The following ARHGEF7 variants were observed in gnomAD, a reference collection of about 807,000 sequenced individuals.
ARHGEF7 encodes PAK-interacting exchange factor beta.
A neutral mutation model predicts 109.8 loss-of-function variants in ARHGEF7; 33 were observed. The ratio of observed to expected loss-of-function variants is 0.30; its 90% CI spans 0.23 to 0.40. The LOEUF (loss-of-function observed/expected upper bound fraction) is 0.40. Among genes scored for constraint, ARHGEF7 ranks in the 10% least tolerant of loss-of-function variants. ARHGEF7 has a pLI of 1.00. For missense variants in ARHGEF7, 938 were observed against 1,098.5 expected, an observed-to-expected ratio of 0.85 and a Z score of 2.07; for synonymous variants, 458 against 424.6, an observed-to-expected ratio of 1.08 and a Z score of -0.97.
intron 6 of ARHGEF7, among the ~76,000 whole-genome samples, chr13:111,240,957 C>A (rs2087667323): frequency 6.6e-6 from 1 of 152,026 alleles, no homozygotes; most frequent in African/African-American, 2.4e-5. Context: ...AGTTGTAACC[C>A]ATTTGTAAAA....
rs772802469 is a variant in ARHGEF7, at chr13:111,145,003, T to C, written c.166-8902T>C. On this transcript the variant is annotated intron_variant, in intron 1 of 21. Coordinates refer to ENST00000646102, the MANE Select transcript of ARHGEF7 (RefSeq NM_001354046.2). The surrounding 1 kb of genome is among the most constrained non-coding windows in gnomAD (Gnocchi z 4.3). The stretch of plus-strand genomic sequence containing the variant: ...TGCTTGCAGAGACAGCTCCATGCAT[T>C]TCTAAACACCTACATACATTTTCTT... 4.6e-5 allele frequency among the ~76,000 whole-genome samples: 7 copies of C among 151,680 alleles called. No individual in the cohort carries two copies. Among genetic ancestry groups the C allele is most frequent in the Non-Finnish European group, 1.0e-4 (7 of 67,980 alleles).
intron 1 of ARHGEF7, among the ~76,000 whole-genome samples, chr13:111,117,324 C>A (rs2066862434): frequency 6.6e-6 from 1 of 152,198 alleles, no homozygotes; most frequent in Admixed American, 6.5e-5. Context: ...TTCATTTCAT[C>A]TCTAAAACAA....
intron 2 of ARHGEF7, among the ~76,000 whole-genome samples, chr13:111,167,037 C>A (rs886504171): frequency 6.6e-6 from 1 of 152,106 alleles, no homozygotes; most frequent in Admixed American, 6.5e-5. Context: ...GCTAGACGTG[C>A]GTACTGACGT....
At chr13:111,213,806 C>T (rs752208875) in intron 4 of ARHGEF7, among the ~76,000 whole-genome samples, 4 of 152,124 alleles carry the variant, frequency 2.6e-5, no homozygotes, top group Non-Finnish European at 5.9e-5. Flanking sequence ...TGACAGTGAA[C>T]GGACCCCTCA....
intron 19 of ARHGEF7, chr13:111,294,596 C>CT: frequency 1.0e-6 from 1 of 985,442 alleles, no homozygotes; most frequent in Non-Finnish European, 1.2e-6. Context: ...TTTTGAATGT[C>CT]TAACACCATT....
chr13:111,288,962 C>T (rs953584465), intron 18 of ARHGEF7, among the ~76,000 whole-genome samples: 6 of 152,052 alleles, frequency 3.9e-5, no homozygotes, highest in Admixed American at 3.3e-4. Flanking sequence ...CAGCAGATTT[C>T]AGAACCACAG....
At chr13:111,155,973 TACTC>T (rs1429084184) in intron 2 of ARHGEF7, among the ~76,000 whole-genome samples, 1 of 151,368 alleles carries the variant, frequency 6.6e-6, no homozygotes, top group Non-Finnish European at 1.5e-5. Context: ...TAGTTCCAGT[TACTC>T]AGGTGGCTGA....
At chr13:111,194,725 C>G (rs1256150942) in intron 2 of ARHGEF7, among the ~76,000 whole-genome samples, 6 of 152,214 alleles carry the variant, frequency 3.9e-5, no homozygotes, top group Non-Finnish European at 8.8e-5. Flanking sequence ...TGGCCTAGAT[C>G]TTGGGCCAAT....
chr13:111,301,377 C>T (rs1044069129), intron 20 of ARHGEF7, 101 bp from the exon 21 acceptor site: 7 of 968,674 alleles, frequency 7.2e-6, no homozygotes, highest in African/African-American at 3.3e-5. Context: ...AGAGCAGCTC[C>T]GTGTCCTCCT....
Position 111,292,189 on chromosome 13 carries a change from G to A in ARHGEF7, c.2206G>A (p.Gly736Arg). 1 of 1,613,970 alleles carries A rather than the reference G, an allele frequency of 6.2e-7. No homozygotes were observed. The highest frequency in any genetic ancestry group is 8.5e-7 in the Non-Finnish European group (1 of 1,180,022). The change falls in exon 19 of 22, where the codon GGG becomes AGG. Residue 736 changes from glycine to arginine, a missense_variant. Physicochemically the swap from Gly to Arg is moderately radical, Grantham distance 125. Around this residue, in one of 4 missense-constraint regions of ARHGEF7, gnomAD observed 166 missense variants for 167.3 expected, o/e 0.99. Coordinates refer to ENST00000646102, the MANE Select transcript of ARHGEF7 (RefSeq NM_001354046.2). ...TGACCAACCAAGCCTAGACTCCCTG[G>A]GGCGTCGCAGTAGCCTTTCTCGTTT... is the stretch of plus-strand genomic sequence containing the variant. ...DDDQPSLDSL[G>R]RRSSLSRLEP... is the part of the protein sequence containing the mutation.
chr13:111,241,121 CCTCG>C, intron 6 of ARHGEF7: 1 of 1,514,588 alleles, frequency 6.6e-7, no homozygotes. Context: ...CCTCTCCATG[CCTCG>C]TGACCCCCGG....
rs3783093 is a variant in ARHGEF7, at chr13:111,208,369, G to T, written c.338-1503G>T. 4.7e-3 allele frequency among the ~76,000 whole-genome samples: 721 copies of T among 152,310 alleles called. 29 individuals are homozygous for T. In the East Asian group the frequency reaches 0.092, roughly 19 times the overall value. On this transcript the variant is annotated intron_variant, in intron 3 of 21. Transcript: ENST00000646102. ...TTCTTTCTAGATTTCAGCTTTCCTT[G>T]ATTGGCAAACAGTAAGACAACTGCA...
At chr13:111,289,230 C>T (rs1567098631) in intron 18 of ARHGEF7, among the ~76,000 whole-genome samples, 2 of 152,210 alleles carry the variant, frequency 1.3e-5, no homozygotes, top group African/African-American at 4.8e-5. Flanking sequence ...GATGGGGTTT[C>T]ACCCTTTGGG....
chr13:111,191,292 G>A (rs1048730442), intron 2 of ARHGEF7, among the ~76,000 whole-genome samples: 28 of 152,152 alleles, frequency 1.8e-4, no homozygotes, highest in Non-Finnish European at 3.5e-4. Context: ...CCCAGGGGCA[G>A]GCCTGATAAC....
intron 3 of ARHGEF7, among the ~76,000 whole-genome samples, chr13:111,206,459 G>A (rs1447827254): frequency 6.6e-6 from 1 of 152,170 alleles, no homozygotes; most frequent in Non-Finnish European, 1.5e-5. Flanking sequence ...GGGAGCAGGG[G>A]CAGACCCCAG....
At chr13:111,183,729 C>G (rs1471605285) in intron 2 of ARHGEF7, among the ~76,000 whole-genome samples, 1 of 152,180 alleles carries the variant, frequency 6.6e-6, no homozygotes, top group Non-Finnish European at 1.5e-5. Context: ...CTGTCTCTCA[C>G]CTTCCCCACA....
chr13:111,218,058 A>G (rs2083349882), intron 5 of ARHGEF7, among the ~76,000 whole-genome samples, 178 bp downstream of exon 5: 1 of 152,248 alleles, frequency 6.6e-6, no homozygotes, highest in East Asian at 1.9e-4. Context: ...CCCTGGCATC[A>G]AGGGCTCTCT....
intron 2 of ARHGEF7, among the ~76,000 whole-genome samples, chr13:111,166,678 A>C (rs757187770): frequency 6.6e-6 from 1 of 152,182 alleles, no homozygotes; most frequent in Non-Finnish European, 1.5e-5. Context: ...GAGCAGTTAG[A>C]AGAAGTTGTC....
intron 2 of ARHGEF7, among the ~76,000 whole-genome samples, chr13:111,195,930 T>C (rs1157375974): frequency 6.6e-6 from 1 of 152,190 alleles, no homozygotes; most frequent in Non-Finnish European, 1.5e-5. Flanking sequence ...GTCCCTATTA[T>C]AGAACACTGA....
Sources: allele counts gnomAD v4.1 joint callset (sites outside exome capture counted in the v4.1 genomes callset), GRCh38; gene constraint gnomAD v4.1.1; regional missense constraint gnomAD v4.1.1; non-coding constraint Gnocchi (gnomAD v3.1); transcripts MANE v1.5; gene names NCBI Gene and HGNC (gene_info 2026-07-23, HGNC 2026-07-21).